Variants in GREB1L observed in about 807,000 individuals in gnomAD.
GREB1L encodes the protein GREB1-like protein.
Under a neutral mutation model 200.8 loss-of-function variants are expected in GREB1L, and 17 were observed. The observed-to-expected ratio is 0.08, with a 90% CI of 0.06 to 0.13. The LOEUF is 0.13. Ranked by LOEUF, GREB1L falls within the 10% of genes least tolerant of loss-of-function variation. The pLI is 1.00. For missense variants in GREB1L, 1,657 were observed against 2,367.7 expected, an observed-to-expected ratio of 0.70 and a Z score of 6.23; for synonymous variants, 789 against 893.0, an observed-to-expected ratio of 0.88 and a Z score of 2.08.
At chr18:21,516,855 A>C in intron 30 of GREB1L, 101 bp downstream of exon 30, 8 of 1,152,166 alleles carry the variant, frequency 6.9e-6, no homozygotes, top group Non-Finnish European at 9.6e-6. Flanking sequence ...ATTTTATTAG[A>C]AAAGTGAAAT....
intron 1 of GREB1L, among the ~76,000 whole-genome samples, chr18:21,364,354 T>C (rs183396059): frequency 6.0e-4 from 91 of 152,304 alleles, no homozygotes; most frequent in Non-Finnish European, 4.0e-4. Context: ...TTTAGAAATT[T>C]ATTTTGTTGG....
chr18:21,279,168 A>G (rs1489342083), intron 1 of GREB1L, among the ~76,000 whole-genome samples: 1 of 152,182 alleles, frequency 6.6e-6, no homozygotes, highest in Non-Finnish European at 1.5e-5. Context: ...TTTGAGAAAT[A>G]GAGAAAAAGG....
chr18:21,307,664 C>T (rs775889651), intron 1 of GREB1L, among the ~76,000 whole-genome samples: 1 of 152,100 alleles, frequency 6.6e-6, no homozygotes, highest in African/African-American at 2.4e-5. Context: ...AGTCTCCCTA[C>T]CCGGGAGGCT....
chr18:21,343,019 T>A (rs2039290622), intron 1 of GREB1L, among the ~76,000 whole-genome samples: 2 of 152,294 alleles, frequency 1.3e-5, no homozygotes, highest in East Asian at 3.9e-4. Flanking sequence ...AGGAAGATTT[T>A]TGACCAATTT....
chr18:21,368,612 C>G (rs773971191), intron 2 of GREB1L, among the ~76,000 whole-genome samples: 1 of 152,020 alleles, frequency 6.6e-6, no homozygotes, highest in Non-Finnish European at 1.5e-5. Context: ...TTGTTCAGCC[C>G]CTAATTCACA....
chr18:21,382,404 G>T (rs1166684761), intron 2 of GREB1L, among the ~76,000 whole-genome samples: 1 of 151,794 alleles, frequency 6.6e-6, no homozygotes, highest in African/African-American at 2.4e-5. Flanking sequence ...TAGGGTCTTG[G>T]CCCCACCTCC....
chr18:21,445,003 A>G (rs987803434), intron 11 of GREB1L, among the ~76,000 whole-genome samples: 2 of 152,128 alleles, frequency 1.3e-5, no homozygotes, highest in Non-Finnish European at 2.9e-5. Flanking sequence ...TGAACCCTTC[A>G]CTTCCTCTAT....
At chr18:21,319,417 G>A (rs1180755952) in intron 1 of GREB1L, among the ~76,000 whole-genome samples, 2 of 152,198 alleles carry the variant, frequency 1.3e-5, no homozygotes, top group Non-Finnish European at 2.9e-5. Flanking sequence ...CAAGTATGTT[G>A]ATAAATGTTA....
intron 4 of GREB1L, 27 bp downstream of exon 4, chr18:21,384,430 G>T: frequency 6.6e-7 from 1 of 1,515,006 alleles, no homozygotes. Flanking sequence ...TTTTCTTTTT[G>T]CTATTTTGTC....
chr18:21,405,515 T>A (rs1479674889), intron 7 of GREB1L, among the ~76,000 whole-genome samples: 1 of 152,172 alleles, frequency 6.6e-6, no homozygotes, highest in Non-Finnish European at 1.5e-5. Flanking sequence ...TAAAAAACAT[T>A]CATGGCTGGG....
intron 1 of GREB1L, among the ~76,000 whole-genome samples, chr18:21,275,844 G>C (rs745597062): frequency 2.0e-5 from 3 of 152,048 alleles, no homozygotes; most frequent in South Asian, 2.1e-4. Flanking sequence ...CTTGCATATC[G>C]TCTCTGACTG....
chr18:21,512,028 A>T (rs942098615), intron 27 of GREB1L, among the ~76,000 whole-genome samples: 1 of 152,166 alleles, frequency 6.6e-6, no homozygotes, highest in Non-Finnish European at 1.5e-5. Context: ...ACCATATATG[A>T]GAGGGTTTAT....
chr18:21,400,273 C>T (rs2041263736), intron 5 of GREB1L, among the ~76,000 whole-genome samples: 1 of 151,552 alleles, frequency 6.6e-6, no homozygotes. Context: ...TTTTCCATGT[C>T]CCCTGTTCCA....
At chr18:21,293,433 A>G (rs1452628712) in intron 1 of GREB1L, among the ~76,000 whole-genome samples, 2 of 152,210 alleles carry the variant, frequency 1.3e-5, no homozygotes, top group African/African-American at 4.8e-5. Flanking sequence ...ACCTGATTTA[A>G]AAAAATTATT....
chr18:21,389,351 T>TTTTTC (rs10686798), intron 4 of GREB1L, among the ~76,000 whole-genome samples: 3,579 of 145,510 alleles, frequency 0.025, 74 homozygotes, highest in Middle Eastern at 0.04. Flanking sequence ...TTTTTTTTTT[T>TTTTTC]CATCAAATAG....
Position 21,525,971 on chromosome 18 carries a change from A to G in GREB1L, c.*3150A>G, listed in dbSNP as rs2037680278. 1.3e-5 allele frequency among the ~76,000 whole-genome samples: 2 copies of G among 152,228 alleles called. No homozygotes were observed. ...GACAGACTTTCAGAGGAAAGTAAAG[A>G]CTACTGGTGTTCCACTATACATTCC... On this transcript the variant is annotated 3_prime_UTR_variant, in exon 33 of 33. Transcript: ENST00000424526.
chr18:21,381,350 G>A (rs1271667779), intron 2 of GREB1L, among the ~76,000 whole-genome samples: 1 of 151,958 alleles, frequency 6.6e-6, no homozygotes, highest in South Asian at 2.1e-4. Flanking sequence ...AGAGATTGCA[G>A]TGAGCCGAGA....
Position 21,518,212 on chromosome 18 carries a change from G to T in GREB1L, c.5450G>T (p.Cys1817Phe). 1 of 1,551,634 alleles carries T rather than the reference G, an allele frequency of 6.4e-7. No individual in the cohort carries two copies. The highest frequency in any genetic ancestry group is 8.7e-7 in the Non-Finnish European group (1 of 1,146,970). The change falls in exon 31 of 33, where the codon TGC becomes TTC. Residue 1817 changes from cysteine to phenylalanine, a missense_variant. Physicochemically the swap from Cys to Phe is radical, Grantham distance 205 (BLOSUM62 -2). Transcript: ENST00000424526. ...NFRSPVLAID[C>F]YLNIGPEVAI... ...AGGAGTCCTGTGCTGGCCATTGACT[G>T]CTACCTTAACATTGGACCAGAGGTA...
intron 4 of GREB1L, among the ~76,000 whole-genome samples, chr18:21,393,348 G>C (rs1472165373): frequency 6.6e-6 from 1 of 152,152 alleles, no homozygotes; most frequent in Non-Finnish European, 1.5e-5. Context: ...CCAGGCTGGA[G>C]TGCAGTGGTG....
Sources: allele counts gnomAD v4.1 joint callset (sites outside exome capture counted in the v4.1 genomes callset), GRCh38; gene constraint gnomAD v4.1.1; transcripts MANE v1.5; gene names NCBI Gene and HGNC (gene_info 2026-07-23, HGNC 2026-07-21).